Variants in SCFD2 observed in about 807,000 individuals in gnomAD.
The protein encoded by SCFD2 is sec1 family domain containing 2.
SCFD2 carries 54 observed loss-of-function variants against 58.9 expected under a neutral mutation model. The ratio of observed to expected loss-of-function variants is 0.92; its 90% CI spans 0.74 to 1.15. The LOEUF (loss-of-function observed/expected upper bound fraction) is 1.15, where lower values mean the gene tolerates loss of function less well. SCFD2 is among the 50% of genes most tolerant of loss of function. The probability of loss-of-function intolerance (pLI) is 0.00; values close to 1 mark genes in which losing one functional copy is unlikely to be tolerated. For missense variants in SCFD2, 805 were observed against 836.6 expected (o/e 0.96, Z 0.47); for synonymous variants, 321 against 335.9 (o/e 0.96, Z 0.49).
intron 5 of SCFD2, among the ~76,000 whole-genome samples, chr4:52,959,734 A>T (rs1446485542): frequency 2.6e-5 from 4 of 152,222 alleles, no homozygotes; most frequent in Non-Finnish European, 5.9e-5. Flanking sequence ...ATGCAAAAAC[A>T]AGATGACATG....
intron 5 of SCFD2, among the ~76,000 whole-genome samples, chr4:53,003,747 A>G (rs1198245729): frequency 6.6e-6 from 1 of 152,230 alleles, no homozygotes; most frequent in East Asian, 1.9e-4. Flanking sequence ...ATAAGTTATG[A>G]TGTACATTTG....
At chr4:53,201,801 T>C (rs1398970934) in intron 4 of SCFD2, among the ~76,000 whole-genome samples, 3 of 152,218 alleles carry the variant, frequency 2.0e-5, no homozygotes, top group East Asian at 1.9e-4. Flanking sequence ...TTTCATGTGT[T>C]TTTTGGCTAC....
chr4:53,112,478 T>C (rs558029308), intron 5 of SCFD2, among the ~76,000 whole-genome samples: 1 of 152,230 alleles, frequency 6.6e-6, no homozygotes, highest in African/African-American at 2.4e-5. Context: ...TCATGACATC[T>C]GCCATCAAAG....
At chr4:53,264,088 G>C (rs1205490313) in intron 4 of SCFD2, among the ~76,000 whole-genome samples, 1 of 152,190 alleles carries the variant, frequency 6.6e-6, no homozygotes, top group African/African-American at 2.4e-5. Context: ...AAAGCCGGCA[G>C]TCTCAGGCTT....
rs548574673 is a variant in SCFD2 at position 52,896,257 on chromosome 4, T to C, written c.1843-10391A>G. On this transcript the variant is annotated intron_variant, in intron 7 of 8. Coordinates refer to ENST00000401642, the MANE Select transcript of SCFD2 (RefSeq NM_152540.4). ...TTGCCCATGCCTATGTCCTGAATGG[T>C]ATTGCCTAGGTTTTCTTCTAAGTTT... Among the ~76,000 whole-genome samples the C allele has an allele frequency of 1.0e-3, 157 of 152,358 alleles. 1 individual carries two copies. The highest frequency in any genetic ancestry group is 3.5e-3 in the African/African-American group (147 of 41,580).
At chr4:53,318,550 A>G (rs1732931256) in intron 2 of SCFD2, among the ~76,000 whole-genome samples, 1 of 152,184 alleles carries the variant, frequency 6.6e-6, no homozygotes, top group Admixed American at 6.5e-5. Context: ...AAAATTTATA[A>G]TATTCCTGAG....
At chr4:52,992,359 C>A (rs1198864668) in intron 5 of SCFD2, among the ~76,000 whole-genome samples, 2 of 152,162 alleles carry the variant, frequency 1.3e-5, no homozygotes, top group Non-Finnish European at 2.9e-5. Flanking sequence ...AGTGCAGTGG[C>A]GTGATCTCGG....
chr4:53,131,439 G>A (rs76890974), intron 5 of SCFD2, among the ~76,000 whole-genome samples: 2,913 of 152,274 alleles, frequency 0.019, 39 homozygotes, highest in Middle Eastern at 0.048. Context: ...CCATGGGGGC[G>A]AAGGTGAGTC....
chr4:53,243,704 AAG>A (rs1560406763), intron 4 of SCFD2, among the ~76,000 whole-genome samples: 2 of 152,214 alleles, frequency 1.3e-5, no homozygotes, highest in Admixed American at 6.5e-5. Flanking sequence ...AGAAAAAAAA[AAG>A]AGAGAAAAAA....
At chr4:52,882,280 G>C (rs1179853835) in intron 8 of SCFD2, among the ~76,000 whole-genome samples, 1 of 152,166 alleles carries the variant, frequency 6.6e-6, no homozygotes, top group African/African-American at 2.4e-5. Context: ...GTGGGGAAGA[G>C]GGATGAATCT....
At chr4:53,357,311 C>T (rs565848026) in intron 1 of SCFD2, among the ~76,000 whole-genome samples, 58 of 152,064 alleles carry the variant, frequency 3.8e-4, no homozygotes, top group African/African-American at 1.4e-3. Context: ...TGCCTATAAT[C>T]CCAGCCACTC....
In SCFD2 at chr4:52,992,701, C is replaced by A. The variant is rs933085646; in HGVS notation, c.1562-71831G>T. On this transcript the variant is annotated intron_variant, in intron 5 of 8. Coordinates refer to ENST00000401642, the MANE Select transcript of SCFD2 (RefSeq NM_152540.4). ...GCCACCCCATCTGGGAGGTGAGGAGCGTCTCCGCCCGGCCGCCCCGTCTGA... is the reference window on the plus strand; with the variant it reads ...GCCACCCCATCTGGGAGGTGAGGAGAGTCTCCGCCCGGCCGCCCCGTCTGA... Among the ~76,000 whole-genome samples the A allele has an allele frequency of 2.0e-5, 3 of 152,142 alleles. No homozygotes were observed. The East Asian group carries it at 5.8e-4, about 30-fold the overall frequency.
chr4:53,181,197 C>T (rs1408789706), intron 4 of SCFD2, among the ~76,000 whole-genome samples: 1 of 152,090 alleles, frequency 6.6e-6, no homozygotes, highest in African/African-American at 2.4e-5. Flanking sequence ...GGCAGAGACA[C>T]AACCAAAAAA....
chr4:53,264,981 G>C (rs907484912), intron 4 of SCFD2, among the ~76,000 whole-genome samples: 28 of 152,120 alleles, frequency 1.8e-4, no homozygotes, highest in African/African-American at 6.7e-4. Flanking sequence ...AAGCTGGATT[G>C]CTTTAATTTA....
chr4:53,093,621 C>T (rs1174145899), intron 5 of SCFD2, among the ~76,000 whole-genome samples: 2 of 152,096 alleles, frequency 1.3e-5, no homozygotes, highest in East Asian at 1.9e-4. Flanking sequence ...ACCCATACAA[C>T]AGAATACCAC....
At chr4:52,877,029 C>T (rs567637055) in intron 8 of SCFD2, among the ~76,000 whole-genome samples, 25 of 152,110 alleles carry the variant, frequency 1.6e-4, no homozygotes, top group Non-Finnish European at 3.4e-4. Flanking sequence ...GTCTCCATCC[C>T]CATGGGTGCT....
At chr4:53,011,802 C>A (rs539922928) in intron 5 of SCFD2, among the ~76,000 whole-genome samples, 1 of 152,242 alleles carries the variant, frequency 6.6e-6, no homozygotes, top group South Asian at 2.1e-4. Context: ...TCAGTGACAA[C>A]CTGTGGCCTG....
At chr4:53,263,438 T>A (rs533799817) in intron 4 of SCFD2, among the ~76,000 whole-genome samples, 5 of 152,254 alleles carry the variant, frequency 3.3e-5, no homozygotes, top group African/African-American at 1.2e-4. Flanking sequence ...TCTCATGGGG[T>A]GCTCCCTTGA....
At chr4:53,136,018 G>T (rs1490766173) in intron 5 of SCFD2, among the ~76,000 whole-genome samples, 1 of 152,152 alleles carries the variant, frequency 6.6e-6, no homozygotes, top group Admixed American at 6.5e-5. Flanking sequence ...AAAAAATTAT[G>T]CAACTTCAGC....
Sources: allele counts gnomAD v4.1 joint callset (sites outside exome capture counted in the v4.1 genomes callset), GRCh38; gene constraint gnomAD v4.1.1; transcripts MANE v1.5; gene names NCBI Gene and HGNC (gene_info 2026-07-23, HGNC 2026-07-21).